CCDC171: variants seen among roughly 807,000 people sequenced by gnomAD.
The protein encoded by CCDC171 is coiled-coil domain containing 171.
In CCDC171, 177 loss-of-function variants were observed where a neutral mutation model predicts 168.2. The ratio of observed to expected loss-of-function variants is 1.05; its 90% CI spans 0.93 to 1.19. The LOEUF (loss-of-function observed/expected upper bound fraction) is 1.19, where lower values mean the gene tolerates loss of function less well. CCDC171 is among the 50% of genes most tolerant of loss of function. The pLI, the probability that CCDC171 is intolerant of heterozygous loss-of-function variation, is 0.00. For synonymous variants in CCDC171, 687 were observed against 540.8 expected, an observed-to-expected ratio of 1.27 and a Z score of -3.75; for missense variants, 1,991 against 1,539.0, an observed-to-expected ratio of 1.29 and a Z score of -4.91.
At chr9:15,606,763 G>T (rs1467714071) in intron 6 of CCDC171, among the ~76,000 whole-genome samples, 2 of 152,164 alleles carry the variant, frequency 1.3e-5, no homozygotes, top group Admixed American at 6.5e-5. Context: ...TTTTCTAACA[G>T]CCAAATGTAG....
At chr9:15,660,759 C>G (rs745807499) in intron 8 of CCDC171, among the ~76,000 whole-genome samples, 18 of 152,114 alleles carry the variant, frequency 1.2e-4, no homozygotes, top group Admixed American at 2.0e-4. Flanking sequence ...CATGTCTTTG[C>G]TATTGTGAAT....
At chr9:15,968,127 A>G (rs1830986144) in intron 25 of CCDC171, among the ~76,000 whole-genome samples, 1 of 152,230 alleles carries the variant, frequency 6.6e-6, no homozygotes, top group African/African-American at 2.4e-5. Context: ...GATGGACTAT[A>G]GCAGTTCAAA....
At chr9:15,603,308 G>T (rs557220373) in intron 6 of CCDC171, among the ~76,000 whole-genome samples, 1 of 152,112 alleles carries the variant, frequency 6.6e-6, no homozygotes, top group Non-Finnish European at 1.5e-5. Context: ...AGTTACATAG[G>T]TACACATGTG....
intron 7 of CCDC171, among the ~76,000 whole-genome samples, chr9:15,626,596 G>C (rs1366193270): frequency 6.6e-6 from 1 of 152,180 alleles, no homozygotes; most frequent in East Asian, 1.9e-4. Flanking sequence ...CTTTGGGTCT[G>C]TTTATATGAT....
At chr9:15,588,700 CTTTTTTTTTTT>C (rs71323963) in intron 4 of CCDC171, 4 of 124,144 alleles carry the variant, frequency 3.2e-5, no homozygotes, top group Admixed American at 8.5e-5. Context: ...AAGATGCAGA[CTTTTTTTTTTT>C]TTTTTTTTTT....
intron 3 of CCDC171, among the ~76,000 whole-genome samples, chr9:16,002,195 TA>T (rs1443218153): frequency 6.7e-6 from 1 of 149,700 alleles, no homozygotes; most frequent in South Asian, 2.1e-4. Flanking sequence ...CTTTTTTTTT[TA>T]AAAAAAGTTA....
At position 16,018,423 on chromosome 9, in the gene CCDC171, TA is replaced by T. The variant is rs1008695260; in HGVS notation, n.369-2165del. ...TCAATATATAAGCATTAAAAAGAAA[TA>T]TTTTTTTGTTGTGTTTAATACAGCA... On this transcript the variant is annotated intron_variant and non_coding_transcript_variant, in intron 3 of 9. Coordinates refer to the CCDC171 transcript ENST00000486641. 7.2e-5 allele frequency among the ~76,000 whole-genome samples: 11 copies of T among 151,918 alleles called. No homozygotes were observed. The East Asian group carries it at 7.7e-4, about 11-fold the overall frequency.
intron 18 of CCDC171, among the ~76,000 whole-genome samples, chr9:15,762,014 T>G (rs562205715): frequency 1.2e-4 from 18 of 152,280 alleles, no homozygotes; most frequent in African/African-American, 3.8e-4. Context: ...AATCTTACTT[T>G]CATGTCTTTT....
intron 21 of CCDC171, among the ~76,000 whole-genome samples, chr9:15,831,210 GAT>G: frequency 1.3e-5 from 2 of 151,906 alleles, no homozygotes; most frequent in Non-Finnish European, 2.9e-5. Flanking sequence ...CTAACCTTGT[GAT>G]CCGGCTGCCT....
intron 25 of CCDC171, among the ~76,000 whole-genome samples, chr9:15,958,607 C>A (rs948744787): frequency 2.0e-5 from 3 of 150,208 alleles, no homozygotes; most frequent in African/African-American, 7.4e-5. Context: ...AAGGTGATAC[C>A]TGAGGTAAGC....
chr9:15,616,090 A>G (rs1297992037), intron 6 of CCDC171, among the ~76,000 whole-genome samples: 1 of 152,114 alleles, frequency 6.6e-6, no homozygotes, highest in Non-Finnish European at 1.5e-5. Context: ...AGCTGGGATT[A>G]CAGGTGTGTG....
intron 8 of CCDC171, among the ~76,000 whole-genome samples, chr9:15,663,853 G>C (rs935087741): frequency 6.6e-6 from 1 of 152,076 alleles, no homozygotes; most frequent in South Asian, 2.1e-4. Flanking sequence ...TGATCCGCCT[G>C]CCTCGGCCTC....
At chr9:16,047,736 G>T (rs555336906) in intron 1 of CCDC171, among the ~76,000 whole-genome samples, 1 of 152,134 alleles carries the variant, frequency 6.6e-6, no homozygotes, top group Non-Finnish European at 1.5e-5. Flanking sequence ...CTCTCTCAAC[G>T]TCTGCTTCCT....
chr9:15,701,029 T>C (rs2051689530), intron 11 of CCDC171, among the ~76,000 whole-genome samples: 1 of 152,228 alleles, frequency 6.6e-6, no homozygotes, highest in African/African-American at 2.4e-5. Flanking sequence ...GCCATTAGTA[T>C]GTCTTCTTTT....
At chr9:15,803,750 C>CT (rs112508719) in intron 21 of CCDC171, among the ~76,000 whole-genome samples, 71,267 of 151,204 alleles carry the variant, frequency 0.47, 16,952 homozygotes, top group South Asian at 0.54. Flanking sequence ...GCTATTTGGG[C>CT]TTTTTTTTGG....
intron 24 of CCDC171, among the ~76,000 whole-genome samples, chr9:15,906,530 A>G (rs1022206803): frequency 2.6e-5 from 4 of 152,210 alleles, no homozygotes; most frequent in African/African-American, 9.6e-5. Context: ...TCTCAACATA[A>G]TAAGAGCTAT....
chr9:15,822,520 C>T (rs76680143), intron 21 of CCDC171, among the ~76,000 whole-genome samples: 67,080 of 151,738 alleles, frequency 0.44, 15,025 homozygotes, highest in African/African-American at 0.47. Flanking sequence ...AACAAGTGGG[C>T]GAAGGATATG....
chr9:15,866,010 C>T (rs1168868352), intron 23 of CCDC171, among the ~76,000 whole-genome samples: 1 of 151,900 alleles, frequency 6.6e-6, no homozygotes, highest in East Asian at 1.9e-4. Context: ...GAAAAGTATG[C>T]TAGCAAAGAA....
chr9:16,020,333 C>G (rs538917798), intron 3 of CCDC171, among the ~76,000 whole-genome samples: 5 of 151,922 alleles, frequency 3.3e-5, no homozygotes, highest in Non-Finnish European at 7.4e-5. Context: ...TTCCAAAATC[C>G]AAAAAAATAA....
Sources: gnomAD v4.1 joint callset for allele counts (sites outside exome capture counted in the v4.1 genomes callset) on GRCh38, gnomAD v4.1.1 for gene constraint, MANE v1.5 for transcripts, NCBI Gene and HGNC (gene_info 2026-07-23, HGNC 2026-07-21) for gene names.